PLA2G2A: variants seen among roughly 807,000 people sequenced by gnomAD.
PLA2G2A encodes phospholipase A2, membrane associated.
Under a neutral mutation model 11.2 loss-of-function variants are expected in PLA2G2A, and 6 were observed. The observed-to-expected ratio is 0.54, with a 90% CI of 0.29 to 1.06. The LOEUF is 1.06. Among genes scored for constraint, PLA2G2A ranks in the 50% least tolerant of loss-of-function variants. The pLI, the probability that PLA2G2A is intolerant of heterozygous loss-of-function variation, is 0.08. For synonymous variants in PLA2G2A, 69 were observed against 65.8 expected, an observed-to-expected ratio of 1.05 and a Z score of -0.23; for missense variants, 133 against 177.1, an observed-to-expected ratio of 0.75 and a Z score of 1.41.
At chr1:19,978,524 C>A (rs1486990616) in exon 3 of PLA2G2A, 1 of 1,613,460 alleles carries the variant, frequency 6.2e-7, no homozygotes, top group African/African-American at 1.3e-5. Flanking sequence ...CTGCAGTAGG[C>A]CTGGAAGGAA....
exon 4 of PLA2G2A, chr1:19,978,039 T>A: frequency 6.2e-7 from 1 of 1,612,090 alleles, no homozygotes; most frequent in Non-Finnish European, 8.5e-7. Flanking sequence ...CTCCCCGAGT[T>A]GCTAAACTTG....
At chr1:19,977,818 G>A (rs897820324) in intron 4 of PLA2G2A, among the ~76,000 whole-genome samples, 197 bp downstream of exon 4, 1 of 152,214 alleles carries the variant, frequency 6.6e-6, no homozygotes, top group Admixed American at 6.5e-5. Context: ...CTCAGGCTGT[G>A]TTAATGCCTT....
chr1:19,977,092 T>C (rs1571224375), intron 4 of PLA2G2A, among the ~76,000 whole-genome samples: 1 of 152,182 alleles, frequency 6.6e-6, no homozygotes, highest in Non-Finnish European at 1.5e-5. Flanking sequence ...TGCTGGCTTC[T>C]GAATCTGTGT....
At chr1:19,977,177 G>A (rs1444866916) in intron 4 of PLA2G2A, among the ~76,000 whole-genome samples, 1 of 152,044 alleles carries the variant, frequency 6.6e-6, no homozygotes, top group Admixed American at 6.6e-5. Flanking sequence ...GGTGCTGGAG[G>A]CCCCTAAACT....
Position 19,975,846 on chromosome 1 carries a change from G to T in PLA2G2A, c.293-3C>A. ...ACTTCTGCAGGAGTCCTGTTTTGCTGAAATCATAAGAAAATAAACACAAGA... is the reference window on the plus strand; with the variant it reads ...ACTTCTGCAGGAGTCCTGTTTTGCTTAAATCATAAGAAAATAAACACAAGA... On this transcript the variant is annotated splice_region_variant and splice_polypyrimidine_tract_variant and intron_variant, in intron 4 of 4. Transcript: ENST00000482011. 4 of 1,613,146 alleles carry T rather than the reference G, an allele frequency of 2.5e-6. No individual in the cohort carries two copies. Among genetic ancestry groups the T allele is most frequent in the Non-Finnish European group, 3.4e-6 (4 of 1,179,336 alleles).
At chr1:19,979,099 C>CCTGTACCT (rs1448573022) in intron 1 of PLA2G2A, 1 of 411,522 alleles carries the variant, frequency 2.4e-6, no homozygotes, top group African/African-American at 2.0e-5. Context: ...TGAGACCTCC[C>CCTGTACCT]CTGTACCTCA....
At chr1:19,977,959 T>C in intron 4 of PLA2G2A, 56 bp downstream of exon 4, 1 of 1,025,738 alleles carries the variant, frequency 9.7e-7, no homozygotes, top group Admixed American at 1.7e-5. Context: ...CCCAGCACAG[T>C]CCCCAGCACT....
intron 1 of PLA2G2A, chr1:19,979,204 C>T (rs577730156): frequency 3.0e-5 from 7 of 231,828 alleles, no homozygotes; most frequent in African/African-American, 1.1e-4. Context: ...CTAGACATAG[C>T]TTGCATATCC....
At chr1:19,976,256 G>A (rs1224514381) in intron 4 of PLA2G2A, among the ~76,000 whole-genome samples, 2 of 152,222 alleles carry the variant, frequency 1.3e-5, no homozygotes, top group African/African-American at 4.8e-5. Context: ...TGAGCAACAA[G>A]GGGAAGTCTG....
At chr1:19,975,471 G>A (rs11677), downstream of PLA2G2A, 70,589 of 585,588 alleles carry the variant, frequency 0.12, 4,993 homozygotes, top group East Asian at 0.19. Context: ...GAGACCCCCC[G>A]GAGTACAGCT....
intron 4 of PLA2G2A, among the ~76,000 whole-genome samples, chr1:19,976,682 T>C (rs1421973426): frequency 6.6e-6 from 1 of 152,220 alleles, no homozygotes; most frequent in Non-Finnish European, 1.5e-5. Flanking sequence ...ATCCCACTCA[T>C]GAGTCAGCTG....
downstream of PLA2G2A, chr1:19,975,532 A>T (rs1454179227): frequency 5.2e-5 from 35 of 674,000 alleles, no homozygotes; most frequent in East Asian, 9.0e-4. Flanking sequence ...GAAGGCTGGA[A>T]ATCTGCTGGA....
chr1:19,975,464 A>AC (rs548685074), downstream of PLA2G2A: 20 of 577,608 alleles, frequency 3.5e-5, no homozygotes, highest in Non-Finnish European at 5.3e-5. Flanking sequence ...TTCAGAAGAG[A>AC]CCCCCCGGAG....
Position 19,976,174 on chromosome 1 carries a change from G to A in PLA2G2A, c.293-331C>T, listed in dbSNP as rs115523403. Among the ~76,000 whole-genome samples, 614 of 152,350 alleles carry A rather than the reference G, an allele frequency of 4.0e-3. 3 individuals are homozygous for A. The highest frequency in any genetic ancestry group is 0.012 in the African/African-American group (517 of 41,564). ...TGGGAATAGATTGTGATTGGTGTAA[G>A]CCAGGCAGGGTCATCCCTTTTTCCT... On this transcript the variant is annotated intron_variant, in intron 4 of 4. Transcript: ENST00000482011.
intron 1 of PLA2G2A, 169 bp from the exon 2 acceptor site, chr1:19,979,048 A>C: frequency 1.8e-6 from 1 of 541,768 alleles, no homozygotes; most frequent in Non-Finnish European, 3.4e-6. Flanking sequence ...TTTCACACAC[A>C]TCAGGCCCTC....
intron 2 of PLA2G2A, 42 bp downstream of exon 2, chr1:19,978,692 G>A (rs1193363839): frequency 3.7e-6 from 6 of 1,610,524 alleles, no homozygotes; most frequent in Non-Finnish European, 5.1e-6. Context: ...CTTCCCTTCT[G>A]GGGCTGTCCC....
chr1:19,978,939 C>T, intron 1 of PLA2G2A, 60 bp from the exon 2 acceptor site: 1 of 677,946 alleles, frequency 1.5e-6, no homozygotes, highest in Non-Finnish European at 2.7e-6. Context: ...TCCTCTGTCA[C>T]ACTCAGAGCA....
intron 4 of PLA2G2A, among the ~76,000 whole-genome samples, chr1:19,976,775 T>G (rs965203670): frequency 6.6e-6 from 1 of 152,202 alleles, no homozygotes; most frequent in Non-Finnish European, 1.5e-5. Flanking sequence ...ATGTTGTCTT[T>G]GCCTCCTGTC....
At chr1:19,976,611 G>A (rs1366399594) in intron 4 of PLA2G2A, among the ~76,000 whole-genome samples, 1 of 152,192 alleles carries the variant, frequency 6.6e-6, no homozygotes, top group African/African-American at 2.4e-5. Flanking sequence ...GCCATGATGG[G>A]AGACATAATT....
Sources: allele counts gnomAD v4.1 joint callset (sites outside exome capture counted in the v4.1 genomes callset), GRCh38; gene constraint gnomAD v4.1.1; transcripts MANE v1.5; gene names NCBI Gene and HGNC (gene_info 2026-07-23, HGNC 2026-07-21).